The following GPC5 variants were observed in gnomAD, a reference collection of about 807,000 sequenced individuals.
The protein encoded by GPC5 is glypican 5.
GPC5 carries 47 observed loss-of-function variants against 53.9 expected under a neutral mutation model. That is an observed-to-expected ratio of 0.87 (90% CI 0.69 to 1.11). The LOEUF (loss-of-function observed/expected upper bound fraction) is 1.11, where lower values mean the gene tolerates loss of function less well. Ranked by LOEUF, GPC5 falls within the 50% of genes most tolerant of loss-of-function variation. The pLI, the probability that GPC5 is intolerant of heterozygous loss-of-function variation, is 0.00. For synonymous variants in GPC5, 286 were observed against 263.3 expected (o/e 1.09, Z -0.84); for missense variants, 748 against 713.1 (o/e 1.05, Z -0.56).
At chr13:91,674,596 C>T (rs534658134) in intron 2 of GPC5, among the ~76,000 whole-genome samples, 23 of 144,780 alleles carry the variant, frequency 1.6e-4, no homozygotes, top group Non-Finnish European at 3.0e-4. Flanking sequence ...TGTATATATA[C>T]GCATATATAT....
intron 5 of GPC5, among the ~76,000 whole-genome samples, chr13:91,829,776 A>G (rs1263940006): frequency 6.6e-6 from 1 of 152,078 alleles, no homozygotes; most frequent in African/African-American, 2.4e-5. Context: ...AGGTTCCGTG[A>G]TGCCCCACAA....
Position 91,565,649 on chromosome 13 carries a change from C to G in GPC5, c.325+116727C>G, listed in dbSNP as rs76054002. Among the ~76,000 whole-genome samples the G allele has an allele frequency of 4.2e-3, 646 of 152,328 alleles. 11 individuals are homozygous for G. The highest frequency in any genetic ancestry group is 0.015 in the African/African-American group (617 of 41,576). ...TGTTTGTCCTAGGCGTTGCGCCTGGCACACTAATGCTGAACAAATGTAACC... is the reference window on the plus strand; with the variant it reads ...TGTTTGTCCTAGGCGTTGCGCCTGGGACACTAATGCTGAACAAATGTAACC... On this transcript the variant is annotated intron_variant, in intron 2 of 7. Transcript: ENST00000377067.
chr13:92,422,506 A>ACG (rs1465494458), intron 7 of GPC5, among the ~76,000 whole-genome samples: 1 of 145,430 alleles, frequency 6.9e-6, no homozygotes, highest in African/African-American at 2.5e-5. Flanking sequence ...ACACACACAC[A>ACG]CACACACACA....
chr13:92,500,075 G>A (rs552977413), intron 7 of GPC5, among the ~76,000 whole-genome samples: 6 of 152,224 alleles, frequency 3.9e-5, no homozygotes, highest in Admixed American at 3.9e-4. Context: ...TCTCCAGCCT[G>A]GACTCAAGTT....
chr13:92,394,522 C>T (rs1875171296), intron 7 of GPC5, among the ~76,000 whole-genome samples: 2 of 152,258 alleles, frequency 1.3e-5, no homozygotes, highest in African/African-American at 2.4e-5. Flanking sequence ...AGAGGGTCCT[C>T]ACCAGAGCCC....
intron 7 of GPC5, among the ~76,000 whole-genome samples, chr13:92,801,958 GA>G (rs1010158943): frequency 2.2e-4 from 33 of 151,784 alleles, no homozygotes; most frequent in African/African-American, 7.7e-4. Flanking sequence ...TATTATTGAA[GA>G]AAAAATATTT....
chr13:92,288,030 T>A (rs1265386073), intron 7 of GPC5, among the ~76,000 whole-genome samples: 9 of 152,120 alleles, frequency 5.9e-5, no homozygotes, highest in African/African-American at 1.7e-4. Flanking sequence ...TCTGCTAAAA[T>A]CTCCAGGAAT....
chr13:92,274,188 T>G (rs1594056916), intron 7 of GPC5, among the ~76,000 whole-genome samples: 1 of 152,208 alleles, frequency 6.6e-6, no homozygotes, highest in Admixed American at 6.5e-5. Flanking sequence ...ATTCTAGGCA[T>G]GATTTTCATT....
At chr13:92,766,643 T>TATTA (rs1486380082) in intron 7 of GPC5, among the ~76,000 whole-genome samples, 1 of 152,218 alleles carries the variant, frequency 6.6e-6, no homozygotes, top group African/African-American at 2.4e-5. Flanking sequence ...GTATAAGACA[T>TATTA]ATTAGTCAGA....
chr13:91,498,744 G>A (rs1372380762), intron 2 of GPC5, among the ~76,000 whole-genome samples: 2 of 152,084 alleles, frequency 1.3e-5, no homozygotes, highest in African/African-American at 2.4e-5. Context: ...GCTGAGGTGG[G>A]CGGATCATTT....
At chr13:92,245,081 G>A (rs369801749) in intron 7 of GPC5, among the ~76,000 whole-genome samples, 158 of 150,740 alleles carry the variant, frequency 1.0e-3, no homozygotes, top group African/African-American at 3.6e-3. Context: ...CTGGTTAAAT[G>A]TTCTCAGGCA....
intron 6 of GPC5, among the ~76,000 whole-genome samples, chr13:92,125,294 G>C (rs1202535082): frequency 6.6e-6 from 1 of 152,134 alleles, no homozygotes; most frequent in Non-Finnish European, 1.5e-5. Flanking sequence ...TCCACATCTG[G>C]ATTCCCACCA....
chr13:91,666,001 T>G (rs2035103077), intron 2 of GPC5, among the ~76,000 whole-genome samples: 1 of 152,264 alleles, frequency 6.6e-6, no homozygotes, highest in South Asian at 2.1e-4. Flanking sequence ...AGATCTGTTA[T>G]GTAAGTGACT....
At chr13:92,092,019 A>AGC (rs2041385127) in intron 6 of GPC5, among the ~76,000 whole-genome samples, 1 of 152,214 alleles carries the variant, frequency 6.6e-6, no homozygotes, top group Non-Finnish European at 1.5e-5. Context: ...ATATCTATCT[A>AGC]TCTAGCTAGC....
intron 2 of GPC5, among the ~76,000 whole-genome samples, chr13:91,689,228 TATAC>T (rs765369939): frequency 0.017 from 1,536 of 91,100 alleles, 44 homozygotes; most frequent in African/African-American, 0.023. Context: ...TATATATATA[TATAC>T]ACATATAAAA....
At chr13:92,202,231 T>C (rs1184645297) in intron 7 of GPC5, among the ~76,000 whole-genome samples, 1 of 152,230 alleles carries the variant, frequency 6.6e-6, no homozygotes, top group African/African-American at 2.4e-5. Context: ...ATATTTTTAC[T>C]TTCAGTTCTG....
intron 2 of GPC5, among the ~76,000 whole-genome samples, chr13:91,468,898 G>C (rs1882423914): frequency 7.6e-6 from 1 of 131,512 alleles, no homozygotes; most frequent in Admixed American, 8.0e-5. Flanking sequence ...TTTTAAATGA[G>C]ACAGGGTTTC....
chr13:92,618,218 G>C (rs1433390877), intron 7 of GPC5, among the ~76,000 whole-genome samples: 1 of 152,088 alleles, frequency 6.6e-6, no homozygotes, highest in Non-Finnish European at 1.5e-5. Context: ...AGATGACTCT[G>C]TAAGATTTTA....
intron 2 of GPC5, among the ~76,000 whole-genome samples, chr13:91,487,495 A>G (rs2139239622): frequency 6.6e-6 from 1 of 152,288 alleles, no homozygotes; most frequent in East Asian, 1.9e-4. Flanking sequence ...TCTCTTTGGC[A>G]GGTCCAGTCT....
Sources: gnomAD v4.1 joint callset for allele counts (sites outside exome capture counted in the v4.1 genomes callset) on GRCh38, gnomAD v4.1.1 for gene constraint, MANE v1.5 for transcripts, NCBI Gene and HGNC (gene_info 2026-07-23, HGNC 2026-07-21) for gene names.